RNF152: variants seen among roughly 807,000 people sequenced by gnomAD.
The protein encoded by RNF152 is E3 ubiquitin-protein ligase RNF152.
A neutral mutation model predicts 12.7 loss-of-function variants in RNF152; 11 were observed. That is an observed-to-expected ratio of 0.86 (90% CI 0.54 to 1.43). The LOEUF is 1.43. Ranked by LOEUF, RNF152 falls within the 40% of genes most tolerant of loss-of-function variation. The pLI is 0.00. For missense variants in RNF152, 255 were observed against 274.8 expected (o/e 0.93, Z 0.51); for synonymous variants, 113 against 120.3 (o/e 0.94, Z 0.40).
intron 1 of RNF152, among the ~76,000 whole-genome samples, chr18:61,856,984 A>C (rs1379937724): frequency 6.6e-6 from 1 of 152,246 alleles, no homozygotes; most frequent in African/African-American, 2.4e-5. Context: ...ATACAGAGCT[A>C]TTACCCAGGG....
rs570388398 is a variant in RNF152, at chr18:61,850,919, T to C, written c.-135-34321A>G. ...CACCCCTGAATGGCTAGTGCAGCTC[T>C]GGGCACACGGAAATGCCCAGTCATC... On this transcript the variant is annotated intron_variant, in intron 1 of 1. Transcript: ENST00000312828. Among the ~76,000 whole-genome samples, 253 of 152,154 alleles carry C rather than the reference T, an allele frequency of 1.7e-3. 1 individual carries two copies. Among genetic ancestry groups the C allele is most frequent in the African/African-American group, 5.9e-3 (247 of 41,516 alleles).
rs140502965 is a variant in RNF152 at position 61,882,678 on chromosome 18, G to A, written c.-136+10117C>T. On this transcript the variant is annotated intron_variant, in intron 1 of 1. Coordinates refer to ENST00000312828, the MANE Select transcript of RNF152 (RefSeq NM_173557.3). ...CCATCAATCCCACATGTTAGTAATGGAGACTCAGAGAGAGAGGAAATGCTG... is the reference window on the plus strand; with the variant it reads ...CCATCAATCCCACATGTTAGTAATGAAGACTCAGAGAGAGAGGAAATGCTG... 7.9e-3 allele frequency among the ~76,000 whole-genome samples: 1,204 copies of A among 152,264 alleles called. 17 individuals are homozygous for A. Among genetic ancestry groups the A allele is most frequent in the African/African-American group, 0.028 (1,159 of 41,548 alleles).
chr18:61,886,989 G>A (rs575018940), intron 1 of RNF152, among the ~76,000 whole-genome samples: 1 of 152,340 alleles, frequency 6.6e-6, no homozygotes, highest in Non-Finnish European at 1.5e-5. Flanking sequence ...TCGATGATAG[G>A]ATAGAGGCAG....
At chr18:61,828,090 G>A (rs766893808) in intron 1 of RNF152, among the ~76,000 whole-genome samples, 3 of 152,208 alleles carry the variant, frequency 2.0e-5, no homozygotes, top group East Asian at 1.9e-4. Flanking sequence ...TTTGACAAAT[G>A]TACTCACCTG....
Position 61,816,101 on chromosome 18 carries a change from C to T in RNF152, c.363G>A (p.Leu121=). The change falls in exon 2 of 2, where the codon CTG becomes CTA. Residue 121 remains leucine (L), a synonymous_variant. Transcript: ENST00000312828. ...ALLPGDMGCR[L]LPGSQQKSVT... is the part of the protein sequence containing the mutation. ...CGGACTTCTGCTGGCTCCCGGGCAG[C>T]AGGCGGCAGCCCATGTCTCCGGGCA... is the stretch of plus-strand genomic sequence containing the variant. 8 of 1,614,158 alleles carry T rather than the reference C, an allele frequency of 5.0e-6. No individual in the cohort carries two copies. The highest frequency in any genetic ancestry group is 6.8e-6 in the Non-Finnish European group (8 of 1,180,004).
At chr18:61,852,611 G>A (rs927396605) in intron 1 of RNF152, among the ~76,000 whole-genome samples, 2 of 152,140 alleles carry the variant, frequency 1.3e-5, no homozygotes, top group African/African-American at 4.8e-5. Flanking sequence ...CAATACCTCT[G>A]CAGTGAGTCT....
intron 1 of RNF152, among the ~76,000 whole-genome samples, chr18:61,845,231 G>A (rs950901604): frequency 1.3e-5 from 2 of 152,344 alleles, no homozygotes; most frequent in African/African-American, 2.4e-5. Flanking sequence ...GATAATAGGC[G>A]TAAGCCACTG....
intron 1 of RNF152, among the ~76,000 whole-genome samples, chr18:61,868,013 G>A (rs548941798): frequency 1.3e-5 from 2 of 152,010 alleles, no homozygotes; most frequent in Non-Finnish European, 2.9e-5. Context: ...AGAACTTAAC[G>A]AGCCTCCTAG....
At chr18:61,866,952 T>C (rs1911759848) in intron 1 of RNF152, among the ~76,000 whole-genome samples, 1 of 152,190 alleles carries the variant, frequency 6.6e-6, no homozygotes, top group Non-Finnish European at 1.5e-5. Context: ...AGATCCCTTA[T>C]AAGCTGGGGT....
intron 1 of RNF152, among the ~76,000 whole-genome samples, chr18:61,845,241 G>A (rs1223182803): frequency 1.3e-5 from 2 of 152,238 alleles, no homozygotes; most frequent in Admixed American, 1.3e-4. Context: ...GTAAGCCACT[G>A]CACCCACCCA....
chr18:61,815,835 C>T lies in RNF152; in HGVS notation c.*17G>A. The stretch of plus-strand genomic sequence containing the variant: ...CCCCTAAGTTGGCACCCACAAGAGA[C>T]TTCCCTGCAGCCCTCTTCAGCCACA... On this transcript the variant is annotated 3_prime_UTR_variant, in exon 2 of 2. Coordinates refer to ENST00000312828, the MANE Select transcript of RNF152 (RefSeq NM_173557.3). 6.2e-7 allele frequency: 1 copy of T among 1,607,302 alleles called. No homozygotes were observed. The highest frequency in any genetic ancestry group is 8.5e-7 in the Non-Finnish European group (1 of 1,174,776).
intron 1 of RNF152, among the ~76,000 whole-genome samples, chr18:61,842,349 C>A (rs1910492279): frequency 6.6e-6 from 1 of 152,228 alleles, no homozygotes; most frequent in Non-Finnish European, 1.5e-5. Flanking sequence ...CAGCTGACCA[C>A]ACACCAGACA....
chr18:61,818,717 AC>A (rs1909234862), intron 1 of RNF152, among the ~76,000 whole-genome samples: 1 of 152,224 alleles, frequency 6.6e-6, no homozygotes, highest in Non-Finnish European at 1.5e-5. Flanking sequence ...CCCAGATTCT[AC>A]CCGAAAACAA....
Position 61,813,643 on chromosome 18 carries a change from G to A in RNF152, c.*2209C>T, listed in dbSNP as rs1052466412. 6.6e-5 allele frequency: 10 copies of A among 152,124 alleles called. No individual in the cohort carries two copies. Among genetic ancestry groups the A allele is most frequent in the Non-Finnish European group, 8.8e-5 (6 of 68,032 alleles). 9.4% of individuals were successfully genotyped at this position (152,124 alleles called of 1,614,324 possible). On this transcript the variant is annotated 3_prime_UTR_variant, in exon 2 of 2. Transcript: ENST00000312828. The stretch of plus-strand genomic sequence containing the variant: ...ACTTTAACAAGTAGAACTCTATCAC[G>A]TACTATACTACAGGGTCAGTCATTT...
intron 1 of RNF152, among the ~76,000 whole-genome samples, chr18:61,825,485 C>T (rs1159184816): frequency 6.6e-6 from 1 of 152,204 alleles, no homozygotes; most frequent in African/African-American, 2.4e-5. Context: ...AGGGGAAGGA[C>T]AGTGGCATTT....
intron 1 of RNF152, among the ~76,000 whole-genome samples, chr18:61,885,583 C>G (rs1056699616): frequency 3.9e-5 from 6 of 152,216 alleles, no homozygotes; most frequent in Non-Finnish European, 5.9e-5. Context: ...GCTGGAATTA[C>G]AGGCGTGAGC....
At chr18:61,846,855 A>G (rs563660079) in intron 1 of RNF152, among the ~76,000 whole-genome samples, 105 of 152,298 alleles carry the variant, frequency 6.9e-4, no homozygotes, top group Non-Finnish European at 1.2e-3. Flanking sequence ...TGCTTGAGCT[A>G]TGGAGACTCC....
At position 61,810,282 on chromosome 18, in the gene RNF152, T is replaced by C. The variant is rs1418723034; in HGVS notation, c.*5570A>G. 1.3e-5 allele frequency: 2 copies of C among 152,078 alleles called. No individual in the cohort carries two copies. Among genetic ancestry groups the C allele is most frequent in the East Asian group, 3.8e-4 (2 of 5,198 alleles). The allele number at this position is 152,078 out of a possible 1,614,324, so 9.4% of individuals were successfully genotyped here. On this transcript the variant is annotated 3_prime_UTR_variant, in exon 2 of 2. Coordinates refer to ENST00000312828, the MANE Select transcript of RNF152 (RefSeq NM_173557.3). ...TTACAGCTAAATCGTGGTGTGTGTG[T>C]GTGTGTGTGTGTAGTAAGTCAGTTG...
At chr18:61,849,120 C>T (rs1910859878) in intron 1 of RNF152, among the ~76,000 whole-genome samples, 1 of 152,132 alleles carries the variant, frequency 6.6e-6, no homozygotes, top group South Asian at 2.1e-4. Context: ...CTCCCTGCCT[C>T]CTCTCTCTCG....
Sources: allele counts gnomAD v4.1 joint callset (sites outside exome capture counted in the v4.1 genomes callset), GRCh38; gene constraint gnomAD v4.1.1; transcripts MANE v1.5; gene names NCBI Gene and HGNC (gene_info 2026-07-23, HGNC 2026-07-21).